Variants in CIITA observed in about 807,000 individuals in gnomAD.
CIITA encodes class II major histocompatibility complex transactivator.
CIITA carries 72 observed loss-of-function variants against 115.1 expected under a neutral mutation model. That is an observed-to-expected ratio of 0.63 (90% CI 0.52 to 0.76). The LOEUF (loss-of-function observed/expected upper bound fraction) is 0.76. Ranked by LOEUF, CIITA falls within the 30% of genes least tolerant of loss-of-function variation. CIITA has a pLI of 0.00. For missense variants in CIITA, 1,617 were observed against 1,463.8 expected, an observed-to-expected ratio of 1.10 and a Z score of -1.71; for synonymous variants, 763 against 635.6, an observed-to-expected ratio of 1.20 and a Z score of -3.02.
chr16:10,867,999 C>T (rs957788042), intron 1 of CIITA, among the ~76,000 whole-genome samples: 1 of 152,046 alleles, frequency 6.6e-6, no homozygotes, highest in Admixed American at 6.6e-5. Context: ...TGAGCTCAAG[C>T]GATCCTCCCA....
rs534771065 is a variant in CIITA at position 10,920,355 on chromosome 16, C to G, written c.3150-1812C>G. 8.4e-4 allele frequency among the ~76,000 whole-genome samples: 128 copies of G among 152,228 alleles called. No homozygotes were observed. The highest frequency in any genetic ancestry group is 1.5e-3 in the Non-Finnish European group (102 of 68,030). The stretch of plus-strand genomic sequence containing the variant: ...CACTGCCTCCTGGGTTCAAGTGATT[C>G]TCATGCCTCAGCCTCCCAAGTAGCT... On this transcript the variant is annotated intron_variant, in intron 16 of 19. Transcript: ENST00000324288. This position sits in a 1 kb window ranked among gnomAD's most constrained non-coding sequence, Gnocchi z 4.5.
Position 10,927,765 on chromosome 16 carries a change from T to C in CIITA, c.*3910T>C, listed in dbSNP as rs2040593039. On this transcript the variant is annotated 3_prime_UTR_variant, in exon 20 of 20. Coordinates refer to ENST00000324288, the MANE Select transcript of CIITA (RefSeq NM_000246.4). ...TAAATTACTGTCTCCGTGTCACAGATCTAAGTGATACTTATAGTCACACTC... is the reference window on the plus strand; with the variant it reads ...TAAATTACTGTCTCCGTGTCACAGACCTAAGTGATACTTATAGTCACACTC... 6.6e-6 allele frequency: 1 copy of C among 152,216 alleles called. No individual in the cohort carries two copies. The highest frequency in any genetic ancestry group is 2.1e-4 in the South Asian group (1 of 4,826). The allele number at this position is 152,216 out of a possible 1,614,324, so 9.4% of individuals were successfully genotyped here. A position where few individuals can be genotyped will look rare whatever the true frequency, so the allele number is the denominator to read the frequency against.
chr16:10,891,338 G>T (rs937599728), intron 1 of CIITA, among the ~76,000 whole-genome samples: 1 of 152,100 alleles, frequency 6.6e-6, no homozygotes, highest in Non-Finnish European at 1.5e-5. Flanking sequence ...TGCAAGTCAC[G>T]TCCTTCCCGG....
intron 13 of CIITA, among the ~76,000 whole-genome samples, chr16:10,914,890 G>T (rs2039842159): frequency 6.6e-6 from 1 of 152,144 alleles, no homozygotes; most frequent in African/African-American, 2.4e-5. Flanking sequence ...GTTTACCACT[G>T]GCAGTGGTCG....
chr16:10,888,750 G>T (rs12598451), intron 1 of CIITA: 2 of 152,104 alleles, frequency 1.3e-5, no homozygotes, highest in Non-Finnish European at 2.9e-5. Flanking sequence ...CACAGACCGC[G>T]CCTCTGCCCT....
rs1194830601 is a variant in CIITA, at chr16:10,925,852, T to C, written c.*1997T>C. 1 of 152,222 alleles carries C rather than the reference T, an allele frequency of 6.6e-6. No homozygotes were observed. Among genetic ancestry groups the C allele is most frequent in the Non-Finnish European group, 1.5e-5 (1 of 68,040 alleles). The allele number at this position is 152,222 out of a possible 1,614,324, so 9.4% of individuals were successfully genotyped here. A position where few individuals can be genotyped will look rare whatever the true frequency, so the allele number is the denominator to read the frequency against. ...TGAGAAAGGTTGAAGCACCAAAAGCTTACCAAGGGGAATGTTTGCCTCTGC... is the reference window on the plus strand; with the variant it reads ...TGAGAAAGGTTGAAGCACCAAAAGCCTACCAAGGGGAATGTTTGCCTCTGC... On this transcript the variant is annotated 3_prime_UTR_variant, in exon 20 of 20. Coordinates refer to ENST00000324288, the MANE Select transcript of CIITA (RefSeq NM_000246.4).
rs1200607732 is a variant in CIITA, at chr16:10,906,651, T to G, written c.1159T>G (p.Trp387Gly). 6.2e-7 allele frequency: 1 copy of G among 1,613,904 alleles called. No homozygotes were observed. The highest frequency in any genetic ancestry group is 1.1e-5 in the South Asian group (1 of 91,082). ...SLERELATPD[W>G]AERQLAQGGL... is the part of the protein sequence containing the mutation. ...GGAGCGGGAACTGGCCACCCCGGACTGGGCAGAACGGCAGCTGGCCCAAGG... is the reference window on the plus strand; with the variant it reads ...GGAGCGGGAACTGGCCACCCCGGACGGGGCAGAACGGCAGCTGGCCCAAGG... The change falls in exon 11 of 20, where the codon TGG (tryptophan) becomes GGG (glycine). Residue 387 changes from tryptophan to glycine, a missense_variant. Coordinates refer to ENST00000324288, the MANE Select transcript of CIITA (RefSeq NM_000246.4).
At chr16:10,881,988 G>A (rs1275827524) in intron 1 of CIITA, among the ~76,000 whole-genome samples, 1 of 152,158 alleles carries the variant, frequency 6.6e-6, no homozygotes, top group African/African-American at 2.4e-5. Context: ...TCCATGTCGT[G>A]CCATGTGTAA....
chr16:10,900,215 C>G lies in CIITA; in HGVS notation c.436+1213C>G, dbSNP rs76758257. On this transcript the variant is annotated intron_variant, in intron 5 of 19. Transcript: ENST00000324288. ...CCTTTTTGCCTTGTCAGAAATAAAG[C>G]GAGCTCCTGTATTTGCTTTAATTTT... 4.6e-5 allele frequency among the ~76,000 whole-genome samples: 7 copies of G among 152,282 alleles called. No homozygotes were observed. In the East Asian group the frequency reaches 7.7e-4, roughly 17 times the overall value.
chr16:10,917,385 G>A (rs952469693), intron 15 of CIITA, among the ~76,000 whole-genome samples: 3 of 152,098 alleles, frequency 2.0e-5, no homozygotes, highest in African/African-American at 7.2e-5. Context: ...CGTTGCCCAG[G>A]CTGGTCTTGA....
In CIITA at chr16:10,901,980, C is replaced by G. The variant is rs771898878; in HGVS notation, c.482-58C>G. The G allele has an allele frequency of 2.0e-5, 32 of 1,606,574 alleles. No individual in the cohort carries two copies. Among genetic ancestry groups the G allele is most frequent in the Middle Eastern group, 1.9e-4 (1 of 5,198 alleles). On this transcript the variant is annotated intron_variant, in intron 6 of 19. Coordinates refer to ENST00000324288, the MANE Select transcript of CIITA (RefSeq NM_000246.4). The surrounding 1 kb of genome is among the most constrained non-coding windows in gnomAD (Gnocchi z 6.8). ...CATCCATGCCACTCCAGGGCCCTCC[C>G]CATCCCAGGAAGGCCCCTCCAAGCA...
intron 1 of CIITA, among the ~76,000 whole-genome samples, chr16:10,871,124 C>T (rs2035455212): frequency 2.6e-5 from 4 of 152,230 alleles, no homozygotes; most frequent in African/African-American, 9.6e-5. Context: ...TTCCCGGGCG[C>T]CCCGCCTCAG....
chr16:10,923,101 C>A lies in CIITA; in HGVS notation c.3318-127C>A. The A allele has an allele frequency of 1.2e-6, 1 of 823,300 alleles. No individual in the cohort carries two copies. The highest frequency in any genetic ancestry group is 1.7e-5 in the African/African-American group (1 of 60,340). 51.0% of individuals were successfully genotyped at this position (823,300 alleles called of 1,614,324 possible). A position where few individuals can be genotyped will look rare whatever the true frequency, so the allele number is the denominator to read the frequency against. ...CCCCATGACCCACACCGGTCGGTAT[C>A]TTGCCAGGGGAAAAGTCCCCAACGT... On this transcript the variant is annotated intron_variant, in intron 18 of 19. Transcript: ENST00000324288. The surrounding 1 kb of genome is among the most constrained non-coding windows in gnomAD (Gnocchi z 5.2).
Position 10,908,143 on chromosome 16 carries a change from G to T in CIITA, c.2651G>T (p.Arg884Leu), listed in dbSNP as rs374443915. The change falls in exon 11 of 20, where the codon CGT becomes CTT. Residue 884 changes from arginine (R) to leucine (L), a missense_variant. Physicochemically the swap from Arg to Leu is moderately radical, Grantham distance 102. Coordinates refer to ENST00000324288, the MANE Select transcript of CIITA (RefSeq NM_000246.4). ...GSLVGLSCVT[R>L]FRAALSDTVA... ...CTCGTGGGACTCAGCTGTGTCACCC[G>T]TTTCAGGTGGGGTGAGGGGCTTGGG... The T allele has an allele frequency of 3.8e-6, 6 of 1,563,596 alleles. No individual in the cohort carries two copies. The South Asian group carries it at 4.7e-5, about 12-fold the overall frequency.
rs1047087830 is a variant in CIITA, at chr16:10,908,293, G to A, written c.2657+144G>A. ...AATGGATTCTCTCCATTTTTAAGAT[G>A]AGGATGTTGAGGCTCAGAGAGGGGC... is the stretch of plus-strand genomic sequence containing the variant. On this transcript the variant is annotated intron_variant, in intron 11 of 19. Transcript: ENST00000324288. 3.2e-5 allele frequency: 32 copies of A among 986,772 alleles called. No homozygotes were observed. The Admixed American group carries it at 5.6e-4, about 17-fold the overall frequency. The allele number at this position is 986,772 out of a possible 1,614,324, so 61.1% of individuals were successfully genotyped here. A position where few individuals can be genotyped will look rare whatever the true frequency, so the allele number is the denominator to read the frequency against.
chr16:10,908,426 TG>T, intron 11 of CIITA: 2 of 568,926 alleles, frequency 3.5e-6, no homozygotes, highest in Non-Finnish European at 6.3e-6. Flanking sequence ...GAGACTGACC[TG>T]GGCTCAAATT....
At chr16:10,887,617 T>C (rs952318038) in intron 1 of CIITA, among the ~76,000 whole-genome samples, 3 of 151,966 alleles carry the variant, frequency 2.0e-5, no homozygotes, top group Non-Finnish European at 4.4e-5. Context: ...TGCCTCAGCC[T>C]CCCAAGTAGC....
intron 3 of CIITA, among the ~76,000 whole-genome samples, chr16:10,898,117 C>T (rs1357858626): frequency 6.6e-6 from 1 of 152,098 alleles, no homozygotes; most frequent in East Asian, 1.9e-4. Context: ...CACCATACAC[C>T]TTTTTTCTCG....
intron 1 of CIITA, among the ~76,000 whole-genome samples, chr16:10,890,511 T>A (rs2037453904): frequency 6.6e-6 from 1 of 152,186 alleles, no homozygotes; most frequent in Admixed American, 6.5e-5. Context: ...GGTCTCAAAC[T>A]CCTGGACTGA....
Sources: allele counts gnomAD v4.1 joint callset (sites outside exome capture counted in the v4.1 genomes callset), GRCh38; gene constraint gnomAD v4.1.1; non-coding constraint Gnocchi (gnomAD v3.1); transcripts MANE v1.5; gene names NCBI Gene and HGNC (gene_info 2026-07-23, HGNC 2026-07-21).